CDH18: variants seen among roughly 807,000 people sequenced by gnomAD.
CDH18 encodes cadherin 18, also known as cadherin-18.
In CDH18, 31 loss-of-function variants were observed where a neutral mutation model predicts 67.9. That is an observed-to-expected ratio of 0.46 (90% CI 0.34 to 0.62). CDH18 has a LOEUF of 0.62. CDH18 is among the 20% of genes least tolerant of loss of function. CDH18 has a pLI of 0.01. For synonymous variants in CDH18, 362 were observed against 347.2 expected (o/e 1.04, Z -0.48); for missense variants, 890 against 975.5 (o/e 0.91, Z 1.17).
intron 1 of CDH18, among the ~76,000 whole-genome samples, chr5:20,514,878 G>A (rs2457026): frequency 0.39 from 58,550 of 151,816 alleles, 13,111 homozygotes; most frequent in East Asian, 0.56. Context: ...TTTTTGACTG[G>A]TGACTTAAGC....
intron 1 of CDH18, among the ~76,000 whole-genome samples, chr5:20,328,347 T>C (rs1196319388): frequency 6.6e-6 from 1 of 152,122 alleles, no homozygotes; most frequent in African/African-American, 2.4e-5. Context: ...TTTCACTGTT[T>C]TGCAGACAGA....
intron 2 of CDH18, among the ~76,000 whole-genome samples, chr5:20,101,508 A>G (rs897076299): frequency 7.9e-5 from 12 of 152,206 alleles, no homozygotes; most frequent in Admixed American, 2.6e-4. Flanking sequence ...TGACTTGAAG[A>G]TGCATAAGAA....
intron 8 of CDH18, among the ~76,000 whole-genome samples, chr5:19,547,333 T>C (rs1736507940): frequency 2.0e-5 from 3 of 152,190 alleles, no homozygotes; most frequent in Admixed American, 2.0e-4. Flanking sequence ...TCAGCTTCTG[T>C]ATCTGAAATT....
intron 5 of CDH18, among the ~76,000 whole-genome samples, chr5:19,654,797 A>C (rs983356464): frequency 2.0e-5 from 3 of 152,128 alleles, no homozygotes; most frequent in Non-Finnish European, 4.4e-5. Flanking sequence ...CAGCAGAATG[A>C]ATGGGAGCTG....
chr5:19,511,003 G>C (rs1214308833), intron 10 of CDH18, among the ~76,000 whole-genome samples: 2 of 152,026 alleles, frequency 1.3e-5, no homozygotes, highest in Non-Finnish European at 2.9e-5. Flanking sequence ...AAAGAGATGG[G>C]GTTTTGCCAT....
intron 2 of CDH18, among the ~76,000 whole-genome samples, chr5:20,022,079 T>G (rs1179600734): frequency 6.6e-6 from 1 of 152,228 alleles, no homozygotes; most frequent in African/African-American, 2.4e-5. Flanking sequence ...GTGTCTATTG[T>G]TATTTTCTTA....
intron 1 of CDH18, among the ~76,000 whole-genome samples, chr5:20,489,036 C>A (rs1753409156): frequency 6.6e-6 from 1 of 152,032 alleles, no homozygotes; most frequent in Non-Finnish European, 1.5e-5. Flanking sequence ...GCAGCTTCCA[C>A]TTTACCTGCT....
At chr5:19,931,666 A>T (rs1793710431) in intron 2 of CDH18, among the ~76,000 whole-genome samples, 1 of 151,886 alleles carries the variant, frequency 6.6e-6, no homozygotes, top group Non-Finnish European at 1.5e-5. Flanking sequence ...TGAGAAGTGA[A>T]AAAAAACTTT....
chr5:19,509,008 G>T (rs936220560), intron 10 of CDH18, among the ~76,000 whole-genome samples: 9 of 151,784 alleles, frequency 5.9e-5, no homozygotes, highest in Non-Finnish European at 1.2e-4. Flanking sequence ...GAGTAGTTGG[G>T]ATTACAGGTG....
At chr5:19,805,503 C>T (rs2149869889) in intron 3 of CDH18, among the ~76,000 whole-genome samples, 1 of 152,176 alleles carries the variant, frequency 6.6e-6, no homozygotes, top group Non-Finnish European at 1.5e-5. Context: ...CTTCAATTAC[C>T]ATCTAAACTC....
At chr5:19,935,523 T>G (rs1158453734) in intron 2 of CDH18, among the ~76,000 whole-genome samples, 8 of 151,276 alleles carry the variant, frequency 5.3e-5, no homozygotes, top group African/African-American at 9.7e-5. Context: ...ATGCTGTACA[T>G]GTCTGTAGCC....
intron 2 of CDH18, among the ~76,000 whole-genome samples, chr5:19,999,575 C>A (rs1270689194): frequency 6.6e-6 from 1 of 152,020 alleles, no homozygotes; most frequent in Non-Finnish European, 1.5e-5. Flanking sequence ...GCGCTCCAGG[C>A]TGGGCAAAAA....
chr5:19,507,266 A>G (rs1255684662), intron 10 of CDH18, among the ~76,000 whole-genome samples: 1 of 152,146 alleles, frequency 6.6e-6, no homozygotes, highest in African/African-American at 2.4e-5. Context: ...CAGGTGCTGG[A>G]GAGGATGTGG....
chr5:20,314,846 T>G (rs866570905), intron 1 of CDH18, among the ~76,000 whole-genome samples: 1 of 151,990 alleles, frequency 6.6e-6, no homozygotes, highest in Non-Finnish European at 1.5e-5. Context: ...GATTTCTAGA[T>G]GAATGTATAC....
At chr5:19,916,578 A>G (rs1282912245) in intron 2 of CDH18, among the ~76,000 whole-genome samples, 1 of 152,206 alleles carries the variant, frequency 6.6e-6, no homozygotes, top group Non-Finnish European at 1.5e-5. Flanking sequence ...CAGCTACAGC[A>G]TAAGATCTGT....
intron 6 of CDH18, among the ~76,000 whole-genome samples, chr5:19,605,698 G>A (rs1382098081): frequency 6.6e-6 from 1 of 152,052 alleles, no homozygotes; most frequent in Non-Finnish European, 1.5e-5. Flanking sequence ...TCAGGATGGA[G>A]TATGATTCTT....
intron 1 of CDH18, among the ~76,000 whole-genome samples, chr5:20,370,775 G>A (rs964844141): frequency 2.0e-5 from 3 of 151,986 alleles, no homozygotes; most frequent in Admixed American, 6.5e-5. Context: ...ACAGTGGCTC[G>A]CGCCTGTAAT....
chr5:20,092,708 G>T (rs762060894), intron 2 of CDH18, among the ~76,000 whole-genome samples: 8 of 151,996 alleles, frequency 5.3e-5, no homozygotes, highest in Non-Finnish European at 1.0e-4. Flanking sequence ...TCATTTGCTT[G>T]CCATAGTTCA....
chr5:20,199,034 C>T (rs1739224999), intron 2 of CDH18, among the ~76,000 whole-genome samples: 1 of 152,208 alleles, frequency 6.6e-6, no homozygotes. Flanking sequence ...GCTGCAGGGG[C>T]AGAGCCCTCA....
Sources: gnomAD v4.1 joint callset for allele counts (sites outside exome capture counted in the v4.1 genomes callset) on GRCh38, gnomAD v4.1.1 for gene constraint, MANE v1.5 for transcripts, NCBI Gene and HGNC (gene_info 2026-07-23, HGNC 2026-07-21) for gene names.